THADA: variants seen among roughly 807,000 people sequenced by gnomAD.
The protein encoded by THADA is tRNA (32-2'-O)-methyltransferase regulator THADA.
In THADA, 213 loss-of-function variants were observed where a neutral mutation model predicts 219.8. The ratio of observed to expected loss-of-function variants is 0.97; its 90% CI spans 0.87 to 1.09. The LOEUF (loss-of-function observed/expected upper bound fraction) is 1.09, where lower values mean the gene tolerates loss of function less well. Among genes scored for constraint, THADA ranks in the 50% least tolerant of loss-of-function variants. THADA has a pLI of 0.00. For synonymous variants in THADA, 1,018 were observed against 828.9 expected, an observed-to-expected ratio of 1.23 and a Z score of -3.92; for missense variants, 2,956 against 2,311.3, an observed-to-expected ratio of 1.28 and a Z score of -5.72.
At chr2:43,404,038 A>G (rs1675210722) in intron 28 of THADA, among the ~76,000 whole-genome samples, 1 of 152,110 alleles carries the variant, frequency 6.6e-6, no homozygotes. Context: ...CCTTCAAAAA[A>G]TCTTTTTTCT....
chr2:43,265,817 C>G (rs1671447868), intron 36 of THADA, among the ~76,000 whole-genome samples: 1 of 152,174 alleles, frequency 6.6e-6, no homozygotes. Flanking sequence ...CACTCCACAG[C>G]AGAAACCAAT....
chr2:43,316,014 C>T (rs1432225479), intron 31 of THADA, among the ~76,000 whole-genome samples: 1 of 152,214 alleles, frequency 6.6e-6, no homozygotes, highest in Non-Finnish European at 1.5e-5. Flanking sequence ...TCACACCTGC[C>T]TGGCCTTGAA....
chr2:43,442,283 A>T (rs1399049364), intron 26 of THADA, among the ~76,000 whole-genome samples: 1 of 152,068 alleles, frequency 6.6e-6, no homozygotes, highest in Non-Finnish European at 1.5e-5. Flanking sequence ...TAAAAATATA[A>T]AATTTAGCTG....
intron 36 of THADA, among the ~76,000 whole-genome samples, chr2:43,244,930 C>T (rs1168707717): frequency 6.6e-6 from 1 of 152,164 alleles, no homozygotes; most frequent in African/African-American, 2.4e-5. Context: ...TTCTTTCCTC[C>T]CTACCCCTGT....
intron 14 of THADA, among the ~76,000 whole-genome samples, chr2:43,570,149 G>C (rs929409877): frequency 3.9e-5 from 6 of 152,154 alleles, no homozygotes; most frequent in Non-Finnish European, 8.8e-5. Context: ...AGCTGAAAGT[G>C]ATTGAGGTTA....
At chr2:43,479,543 T>A (rs558668118) in intron 26 of THADA, among the ~76,000 whole-genome samples, 5 of 152,144 alleles carry the variant, frequency 3.3e-5, no homozygotes, top group African/African-American at 1.2e-4. Context: ...AGAATTATCA[T>A]AAGCCTCAAA....
At chr2:43,545,071 T>C (rs1374724727) in intron 20 of THADA, among the ~76,000 whole-genome samples, 1 of 152,068 alleles carries the variant, frequency 6.6e-6, no homozygotes, top group African/African-American at 2.4e-5. Flanking sequence ...ATTTATTGAG[T>C]TTTTAGCATG....
intron 29 of THADA, among the ~76,000 whole-genome samples, chr2:43,385,174 CA>C (rs530500759): frequency 2.6e-5 from 4 of 151,302 alleles, no homozygotes; most frequent in African/African-American, 9.8e-5. Flanking sequence ...AAAAAACCCA[CA>C]AAAAAACAAA....
intron 26 of THADA, among the ~76,000 whole-genome samples, chr2:43,439,425 C>T (rs1680568609): frequency 1.3e-5 from 2 of 152,182 alleles, no homozygotes; most frequent in South Asian, 4.1e-4. Context: ...TGCTGTCCCA[C>T]TCCATTCTGC....
At chr2:43,242,983 T>G (rs561105655) in intron 36 of THADA, among the ~76,000 whole-genome samples, 51 of 152,344 alleles carry the variant, frequency 3.3e-4, no homozygotes, top group African/African-American at 1.2e-3. Context: ...TCTAGCTGAC[T>G]TCTCCTAATG....
chr2:43,566,892 C>T, intron 14 of THADA, 71 bp from the exon 15 acceptor site: 1 of 1,113,866 alleles, frequency 9.0e-7, no homozygotes, highest in South Asian at 2.4e-5. Context: ...GTATTAAACA[C>T]CCTTTAAGAG....
chr2:43,456,454 G>A (rs959795194), intron 26 of THADA, among the ~76,000 whole-genome samples: 1 of 152,182 alleles, frequency 6.6e-6, no homozygotes, highest in Admixed American at 6.5e-5. Context: ...TAGAGAAAGA[G>A]CAAAGGTCTA....
At chr2:43,535,372 G>A (rs1181170925) in intron 21 of THADA, among the ~76,000 whole-genome samples, 1 of 150,850 alleles carries the variant, frequency 6.6e-6, no homozygotes, top group African/African-American at 2.4e-5. Context: ...ATGCTTTTGA[G>A]GTCTTATTTA....
chr2:43,346,274 T>C (rs1318479821), intron 29 of THADA, among the ~76,000 whole-genome samples: 1 of 152,180 alleles, frequency 6.6e-6, no homozygotes, highest in South Asian at 2.1e-4. Context: ...ATAAAAATAT[T>C]TGAATACACA....
chr2:43,527,609 C>T (rs1574090073), intron 22 of THADA, among the ~76,000 whole-genome samples: 1 of 148,054 alleles, frequency 6.8e-6, no homozygotes, highest in Non-Finnish European at 1.5e-5. Flanking sequence ...AAAAAAAAAA[C>T]AGTAATTTCA....
rs114622102 is a variant in THADA at position 43,259,639 on chromosome 2, C to T, written c.5296+20126G>A. Among the ~76,000 whole-genome samples, 977 of 152,298 alleles carry T rather than the reference C, an allele frequency of 6.4e-3. 11 individuals are homozygous for T. The highest frequency in any genetic ancestry group is 0.023 in the African/African-American group (936 of 41,562). ...TTGCTTTTTTCAGTTAACAATATAT[C>T]ACGGATGCCTTTGCATGTGGGTTCA... is the stretch of plus-strand genomic sequence containing the variant. On this transcript the variant is annotated intron_variant, in intron 36 of 37. Transcript: ENST00000405975.
intron 28 of THADA, among the ~76,000 whole-genome samples, chr2:43,402,305 G>A (rs1336332045): frequency 1.3e-5 from 2 of 152,182 alleles, no homozygotes; most frequent in Non-Finnish European, 2.9e-5. Context: ...CCGAAGAGTG[G>A]CACAGAAAAG....
intron 36 of THADA, among the ~76,000 whole-genome samples, chr2:43,254,530 C>T (rs1005654381): frequency 2.0e-5 from 3 of 152,098 alleles, no homozygotes; most frequent in Admixed American, 2.0e-4. Context: ...CATCTCACCC[C>T]ACCCTACTCA....
chr2:43,430,891 CCT>C (rs2104822616), intron 26 of THADA, among the ~76,000 whole-genome samples: 1 of 152,240 alleles, frequency 6.6e-6, no homozygotes, highest in East Asian at 1.9e-4. Flanking sequence ...CAAAATGGCC[CCT>C]GATTGAGAAC....
Sources: gnomAD v4.1 joint callset for allele counts (sites outside exome capture counted in the v4.1 genomes callset) on GRCh38, gnomAD v4.1.1 for gene constraint, MANE v1.5 for transcripts, NCBI Gene and HGNC (gene_info 2026-07-23, HGNC 2026-07-21) for gene names.